The following KIRREL3 variants were observed in gnomAD, a reference collection of about 807,000 sequenced individuals.
KIRREL3 encodes the protein kirre like nephrin family adhesion molecule 3.
A neutral mutation model predicts 89.7 loss-of-function variants in KIRREL3; 36 were observed. That is an observed-to-expected ratio of 0.40 (90% CI 0.31 to 0.53). The LOEUF is 0.53. Ranked by LOEUF, KIRREL3 falls within the 20% of genes least tolerant of loss-of-function variation. The pLI is 0.49. For missense variants in KIRREL3, 864 were observed against 1,056.6 expected, an observed-to-expected ratio of 0.82 and a Z score of 2.53; for synonymous variants, 445 against 441.4, an observed-to-expected ratio of 1.01 and a Z score of -0.10.
chr11:126,827,224 C>G (rs1943448388), intron 1 of KIRREL3, among the ~76,000 whole-genome samples: 1 of 151,696 alleles, frequency 6.6e-6, no homozygotes, highest in Admixed American at 6.6e-5. Context: ...GTTGCCCAGG[C>G]TGGAGTGCAG....
At chr11:126,831,576 G>C (rs564372601) in intron 1 of KIRREL3, among the ~76,000 whole-genome samples, 1 of 152,062 alleles carries the variant, frequency 6.6e-6, no homozygotes. Flanking sequence ...AGAGGACCAA[G>C]ACACCTTAGA....
chr11:126,821,160 A>G (rs941992505), intron 1 of KIRREL3, among the ~76,000 whole-genome samples: 7 of 151,788 alleles, frequency 4.6e-5, no homozygotes, highest in Non-Finnish European at 1.0e-4. Flanking sequence ...TGTTTCTTCA[A>G]TTCTCAGGGA....
chr11:126,851,927 G>T (rs1353159702), intron 1 of KIRREL3, among the ~76,000 whole-genome samples: 1 of 152,328 alleles, frequency 6.6e-6, no homozygotes, highest in African/African-American at 2.4e-5. Context: ...CTCGAGGAGA[G>T]TAGGGCGGGT....
chr11:126,921,964 T>C (rs1231880360), intron 1 of KIRREL3, among the ~76,000 whole-genome samples: 1 of 40,214 alleles, frequency 2.5e-5, no homozygotes, highest in African/African-American at 1.0e-4. Context: ...TGTATATCTA[T>C]ATCTATCTAT....
chr11:126,901,292 C>T (rs1946362057), intron 1 of KIRREL3, among the ~76,000 whole-genome samples: 1 of 150,976 alleles, frequency 6.6e-6, no homozygotes. Flanking sequence ...GTTAACGATT[C>T]TTTTAGGTGC....
intron 1 of KIRREL3, among the ~76,000 whole-genome samples, chr11:126,881,421 TC>T (rs1424008182): frequency 8.9e-5 from 8 of 89,944 alleles, no homozygotes; most frequent in Non-Finnish European, 1.2e-4. Flanking sequence ...CCTGGTTTAA[TC>T]AGTCAGCGTC....
rs978656014 is a variant in KIRREL3, at chr11:126,740,320, A to C, written c.56-177408T>G. 2.0e-5 allele frequency among the ~76,000 whole-genome samples: 3 copies of C among 152,230 alleles called. No homozygotes were observed. The highest frequency in any genetic ancestry group is 7.2e-5 in the African/African-American group (3 of 41,454). On this transcript the variant is annotated intron_variant, in intron 1 of 16. Transcript: ENST00000525144. This position sits in a 1 kb window ranked among gnomAD's most constrained non-coding sequence, Gnocchi z 6.0. ...GCAACAGCATAGAATATGATTTTAT[A>C]AACAGGATAGAAAGAAATTAAAGTG...
chr11:126,698,586 A>T (rs1219895003), intron 1 of KIRREL3, among the ~76,000 whole-genome samples: 1 of 152,220 alleles, frequency 6.6e-6, no homozygotes, highest in African/African-American at 2.4e-5. Flanking sequence ...GCTCAGGGCT[A>T]TCCCTTTAGA....
At position 126,909,401 on chromosome 11, in the gene KIRREL3, A is replaced by T. The variant is rs2134893625; in HGVS notation, c.55+91054T>A. Among the ~76,000 whole-genome samples, 1 of 152,256 alleles carries T rather than the reference A, an allele frequency of 6.6e-6. No homozygotes were observed. The highest frequency in any genetic ancestry group is 2.1e-4 in the South Asian group (1 of 4,820). ...CTCATCCTTGCATATCTGTAGCTCC[A>T]CCTCAGGCACGGTGCCCAGCTCCCA... is the stretch of plus-strand genomic sequence containing the variant. On this transcript the variant is annotated intron_variant, in intron 1 of 16. Coordinates refer to ENST00000525144, the MANE Select transcript of KIRREL3 (RefSeq NM_032531.4). This position sits in a 1 kb window ranked among gnomAD's most constrained non-coding sequence, Gnocchi z 4.5.
Position 126,985,763 on chromosome 11 carries a change from T to C in KIRREL3, c.55+14692A>G, listed in dbSNP as rs1236753582. On this transcript the variant is annotated intron_variant, in intron 1 of 16. Coordinates refer to ENST00000525144, the MANE Select transcript of KIRREL3 (RefSeq NM_032531.4). The surrounding 1 kb of genome is among the most constrained non-coding windows in gnomAD (Gnocchi z 5.3). ...AAAGGAACGTACACCCATGAGAAGA[T>C]AGCGAACTCTGTGCAAAGCTGATGA... Among the ~76,000 whole-genome samples the C allele has an allele frequency of 2.0e-5, 3 of 152,128 alleles. No homozygotes were observed. The highest frequency in any genetic ancestry group is 2.1e-4 in the South Asian group (1 of 4,826).
Position 126,555,068 on chromosome 11 carries a change from C to A in KIRREL3, c.133+7767G>T, listed in dbSNP as rs1939599410. Among the ~76,000 whole-genome samples the A allele has an allele frequency of 6.6e-6, 1 of 152,206 alleles. No homozygotes were observed. Among genetic ancestry groups the A allele is most frequent in the African/African-American group, 2.4e-5 (1 of 41,452 alleles). On this transcript the variant is annotated intron_variant, in intron 2 of 16. Transcript: ENST00000525144. The surrounding 1 kb of genome is among the most constrained non-coding windows in gnomAD (Gnocchi z 4.2). ...CCAATAAAATCCTCCGCATACACTA[C>A]CCTTCAATCTGTTCATGTGACCTGA...
intron 7 of KIRREL3, among the ~76,000 whole-genome samples, chr11:126,450,769 GTGTGAGGGTGTGCATC>G (rs1301987935): frequency 3.3e-5 from 5 of 151,804 alleles, no homozygotes; most frequent in Admixed American, 3.3e-4. Flanking sequence ...CTGTGTGCAT[GTGTGAGGGTGTGCATC>G]TGTGCATGTG....
rs1955099806 is a variant in KIRREL3, at chr11:126,430,769, T to C, written c.1696+650A>G. On this transcript the variant is annotated intron_variant, in intron 14 of 16. Transcript: ENST00000525144. This position sits in a 1 kb window ranked among gnomAD's most constrained non-coding sequence, Gnocchi z 6.6. ...AATGAGGAGACAGGCCTGGAATAACTGTGGCTGGCCCAGGGTCATGTGGCA... is the reference window on the plus strand; with the variant it reads ...AATGAGGAGACAGGCCTGGAATAACCGTGGCTGGCCCAGGGTCATGTGGCA... Among the ~76,000 whole-genome samples, 2 of 152,168 alleles carry C rather than the reference T, an allele frequency of 1.3e-5. No individual in the cohort carries two copies. Among genetic ancestry groups the C allele is most frequent in the Non-Finnish European group, 2.9e-5 (2 of 68,026 alleles).
At position 126,912,045 on chromosome 11, in the gene KIRREL3, C is replaced by T. The variant is rs981453831; in HGVS notation, c.55+88410G>A. ...GACTCAGTAGAGACTGGGAAGGAAG[C>T]CCTGCAGAGAAGCTGCCAGCCCACA... is the stretch of plus-strand genomic sequence containing the variant. On this transcript the variant is annotated intron_variant, in intron 1 of 16. Transcript: ENST00000525144. This position sits in a 1 kb window ranked among gnomAD's most constrained non-coding sequence, Gnocchi z 4.7. 6.6e-6 allele frequency among the ~76,000 whole-genome samples: 1 copy of T among 151,010 alleles called. No individual in the cohort carries two copies. Among genetic ancestry groups the T allele is most frequent in the Non-Finnish European group, 1.5e-5 (1 of 67,860 alleles).
chr11:126,494,976 C>T lies in KIRREL3; in HGVS notation c.434-21510G>A, dbSNP rs1359367553. Among the ~76,000 whole-genome samples the T allele has an allele frequency of 5.3e-5, 8 of 152,210 alleles. 1 individual carries two copies. Among genetic ancestry groups the T allele is most frequent in the Admixed American group, 5.2e-4 (8 of 15,272 alleles). On this transcript the variant is annotated intron_variant, in intron 4 of 16. Coordinates refer to ENST00000525144, the MANE Select transcript of KIRREL3 (RefSeq NM_032531.4). ...ACGGGGAGAAGCGGGTGAGCAGACGCTCCTGTAGGCTCTAAGTTGGTGTCT... is the reference window on the plus strand; with the variant it reads ...ACGGGGAGAAGCGGGTGAGCAGACGTTCCTGTAGGCTCTAAGTTGGTGTCT...
rs982894995 is a variant in KIRREL3, at chr11:126,474,710, G to A, written c.434-1244C>T. Among the ~76,000 whole-genome samples the A allele has an allele frequency of 7.2e-5, 11 of 152,186 alleles. No individual in the cohort carries two copies. Among genetic ancestry groups the A allele is most frequent in the African/African-American group, 1.9e-4 (8 of 41,444 alleles). ...CCATCCGCGTCGGAGCACGGTCTCCGCAGTGCCCAGCACAGAGCCCTGTGC... is the reference window on the plus strand; with the variant it reads ...CCATCCGCGTCGGAGCACGGTCTCCACAGTGCCCAGCACAGAGCCCTGTGC... On this transcript the variant is annotated intron_variant, in intron 4 of 16. Coordinates refer to ENST00000525144, the MANE Select transcript of KIRREL3 (RefSeq NM_032531.4). This position sits in a 1 kb window ranked among gnomAD's most constrained non-coding sequence, Gnocchi z 6.7.
chr11:126,787,505 T>A (rs1197708926), intron 1 of KIRREL3, among the ~76,000 whole-genome samples: 2 of 152,188 alleles, frequency 1.3e-5, no homozygotes, highest in African/African-American at 4.8e-5. Context: ...GAGACCCAAC[T>A]TTTCATGCAA....
In KIRREL3 at chr11:126,994,584, A is replaced by G. The variant is rs1018763983; in HGVS notation, c.55+5871T>C. ...AGTGATATAAAGGAAACACTTATCC[A>G]ATATTGACATTTACCAACTTCTAGA... On this transcript the variant is annotated intron_variant, in intron 1 of 16. Coordinates refer to ENST00000525144, the MANE Select transcript of KIRREL3 (RefSeq NM_032531.4). The surrounding 1 kb of genome is among the most constrained non-coding windows in gnomAD (Gnocchi z 5.2). Among the ~76,000 whole-genome samples the G allele has an allele frequency of 4.6e-5, 7 of 152,242 alleles. No individual in the cohort carries two copies. Among genetic ancestry groups the G allele is most frequent in the Non-Finnish European group, 1.0e-4 (7 of 68,050 alleles).
rs1946657461 is a variant in KIRREL3, at chr11:126,908,065, C to A, written c.55+92390G>T. Reference sequence around the variant, plus strand: ...TTCCCTGCTTTCTTTTCCTCCATAGCCCTTATCAGTACCTAACATATAAAT... The same window carrying A: ...TTCCCTGCTTTCTTTTCCTCCATAGACCTTATCAGTACCTAACATATAAAT... On this transcript the variant is annotated intron_variant, in intron 1 of 16. Coordinates refer to ENST00000525144, the MANE Select transcript of KIRREL3 (RefSeq NM_032531.4). The surrounding 1 kb of genome is among the most constrained non-coding windows in gnomAD (Gnocchi z 4.2). Among the ~76,000 whole-genome samples the A allele has an allele frequency of 6.6e-6, 1 of 152,154 alleles. No homozygotes were observed. The highest frequency in any genetic ancestry group is 1.5e-5 in the Non-Finnish European group (1 of 68,038).
Sources: allele counts gnomAD v4.1 joint callset (sites outside exome capture counted in the v4.1 genomes callset), GRCh38; gene constraint gnomAD v4.1.1; non-coding constraint Gnocchi (gnomAD v3.1); transcripts MANE v1.5; gene names NCBI Gene and HGNC (gene_info 2026-07-23, HGNC 2026-07-21).